The following PCDHGA8 variants were observed in gnomAD, a reference collection of about 807,000 sequenced individuals.
PCDHGA8 encodes the protein protocadherin gamma-A8.
Under a neutral mutation model 59.2 loss-of-function variants are expected in PCDHGA8, and 45 were observed. That is an observed-to-expected ratio of 0.76 (90% confidence interval 0.60 to 0.98). PCDHGA8 has a LOEUF of 0.98. Ranked by LOEUF, PCDHGA8 falls within the 50% of genes least tolerant of loss-of-function variation. The probability of loss-of-function intolerance (pLI) is 0.00; values close to 1 mark genes in which losing one functional copy is unlikely to be tolerated. For missense variants in PCDHGA8, 1,257 were observed against 1,196.2 expected, an observed-to-expected ratio of 1.05 and a Z score of -0.75; for synonymous variants, 531 against 519.0, an observed-to-expected ratio of 1.02 and a Z score of -0.32.
rs778589637 is a variant in PCDHGA8 at position 141,487,133 on chromosome 5, C to T, written c.2425-7674C>T. On this transcript the variant is annotated intron_variant, in intron 1 of 3. Coordinates refer to ENST00000398604, the MANE Select transcript of PCDHGA8 (RefSeq NM_032088.2). The surrounding 1 kb of genome is among the most constrained non-coding windows in gnomAD (Gnocchi z 5.0). ...TGTGGTAAAGGATAGTGGTAGTCCA[C>T]CACTCTCTACCTCTGTTACTCTCTT... 8.7e-6 allele frequency: 14 copies of T among 1,613,932 alleles called. No homozygotes were observed. In the South Asian group the frequency reaches 1.5e-4, roughly 18 times the overall value.
chr5:141,421,050 T>TACCACACAA, intron 1 of PCDHGA8: 1 of 561,278 alleles, frequency 1.8e-6, no homozygotes, highest in Non-Finnish European at 3.1e-6. Flanking sequence ...CCCCCGCCTC[T>TACCACACAA]ACCACACAAA....
At chr5:141,409,122 T>G (rs1276365021) in intron 1 of PCDHGA8, 1 of 1,614,026 alleles carries the variant, frequency 6.2e-7, no homozygotes, top group South Asian at 1.1e-5. Context: ...AACCAGTCAT[T>G]TGATTTTGAA....
At chr5:141,400,776 GT>G (rs1167512157) in intron 1 of PCDHGA8, 17 of 557,594 alleles carry the variant, frequency 3.0e-5, no homozygotes, top group East Asian at 1.8e-4. Flanking sequence ...CATTTGGTGC[GT>G]TTTTTTGTCC....
At chr5:141,447,768 T>C (rs1392134454) in intron 1 of PCDHGA8, among the ~76,000 whole-genome samples, 1 of 152,212 alleles carries the variant, frequency 6.6e-6, no homozygotes, top group East Asian at 1.9e-4. Context: ...ATATAAATTA[T>C]ACTTTAATTG....
intron 3 of PCDHGA8, among the ~76,000 whole-genome samples, 193 bp downstream of exon 3, chr5:141,505,674 G>C (rs1482125302): frequency 6.6e-6 from 1 of 152,192 alleles, no homozygotes; most frequent in East Asian, 1.9e-4. Context: ...GGGGTTGGGG[G>C]TCCTGGGATG....
intron 1 of PCDHGA8, chr5:141,424,522 T>C (rs2096826398): frequency 6.6e-6 from 1 of 152,212 alleles, no homozygotes; most frequent in South Asian, 2.1e-4. Flanking sequence ...ATGTAGTAAA[T>C]CCATATATAG....
chr5:141,418,908 C>G, intron 1 of PCDHGA8: 3 of 1,613,932 alleles, frequency 1.9e-6, no homozygotes, highest in Non-Finnish European at 2.5e-6. Flanking sequence ...ATAATCATCA[C>G]GTCACTCTCT....
chr5:141,415,080 C>T (rs1426953509), intron 1 of PCDHGA8: 1 of 1,613,526 alleles, frequency 6.2e-7, no homozygotes, highest in African/African-American at 1.3e-5. Context: ...CGGCGCGAGC[C>T]CTGCTGGACA....
chr5:141,502,629 G>A (rs1368174848), intron 2 of PCDHGA8, among the ~76,000 whole-genome samples: 1 of 152,096 alleles, frequency 6.6e-6, no homozygotes, highest in Non-Finnish European at 1.5e-5. Context: ...GTAATCTGTG[G>A]ATGATACTTT....
In PCDHGA8 at chr5:141,511,406, G is replaced by C; in HGVS notation, c.*233G>C. The C allele has an allele frequency of 1.1e-6, 1 of 942,018 alleles. No individual in the cohort carries two copies. The highest frequency in any genetic ancestry group is 1.7e-5 in the African/African-American group (1 of 60,280). The allele number at this position is 942,018 out of a possible 1,614,324, so 58.4% of individuals were successfully genotyped here. ...GCTGGGAACCCCCATCCAATCAACT[G>C]CTGTACCCATGGGGGTAGTGGGGTT... On this transcript the variant is annotated 3_prime_UTR_variant, in exon 4 of 4. Coordinates refer to ENST00000398604, the MANE Select transcript of PCDHGA8 (RefSeq NM_032088.2).
chr5:141,473,219 G>A (rs1198994780), intron 1 of PCDHGA8, among the ~76,000 whole-genome samples: 2 of 151,864 alleles, frequency 1.3e-5, no homozygotes, highest in Non-Finnish European at 2.9e-5. Flanking sequence ...TTACTTCCAG[G>A]GAGATTGGAT....
At chr5:141,408,579 T>G in intron 1 of PCDHGA8, 1 of 1,614,026 alleles carries the variant, frequency 6.2e-7, no homozygotes, top group Non-Finnish European at 8.5e-7. Flanking sequence ...ATTGAGGATG[T>G]TAATGACCAC....
At chr5:141,433,256 C>G (rs760130587) in intron 1 of PCDHGA8, 2 of 1,385,666 alleles carry the variant, frequency 1.4e-6, no homozygotes, top group Non-Finnish European at 2.0e-6. Context: ...TGCAGCGGTA[C>G]GATCATAGCT....
rs1255551589 is a variant in PCDHGA8 at position 141,410,375 on chromosome 5, G to A, written c.2424+15138G>A. ...ACGCTCTCTCAGCCCTGCTACTTGG[G>A]ACTGCTTCCATCCTGGTCTCTGTGT... On this transcript the variant is annotated intron_variant, in intron 1 of 3. Coordinates refer to ENST00000398604, the MANE Select transcript of PCDHGA8 (RefSeq NM_032088.2). The A allele has an allele frequency of 6.2e-7, 1 of 1,614,028 alleles. No individual in the cohort carries two copies. Among genetic ancestry groups the A allele is most frequent in the Admixed American group, 1.7e-5 (1 of 60,022 alleles).
chr5:141,415,740 GTTTTTTTTT>G (rs57426385), intron 1 of PCDHGA8: 9,508 of 621,550 alleles, frequency 0.015, 13 homozygotes, highest in Non-Finnish European at 0.016. Context: ...GTTTATTAAG[GTTTTTTTTT>G]TTTTTTTTTT....
chr5:141,433,358 C>CGTAT, intron 1 of PCDHGA8: 1 of 503,368 alleles, frequency 2.0e-6, no homozygotes, highest in Non-Finnish European at 3.5e-6. Context: ...CTACTGTCTG[C>CGTAT]CTATCTATCT....
intron 1 of PCDHGA8, among the ~76,000 whole-genome samples, chr5:141,438,349 C>G (rs892834423): frequency 6.6e-6 from 1 of 151,762 alleles, no homozygotes; most frequent in Non-Finnish European, 1.5e-5. Flanking sequence ...AGGATCTACT[C>G]TGTGTATTGT....
chr5:141,413,477 C>A, intron 1 of PCDHGA8: 1 of 1,614,100 alleles, frequency 6.2e-7, no homozygotes, highest in Non-Finnish European at 8.5e-7. Flanking sequence ...GAGCTCTGCG[C>A]TCAGAGCGCG....
Position 141,393,958 on chromosome 5 carries a change from T to C in PCDHGA8, c.1145T>C (p.Val382Ala). 6.2e-7 allele frequency: 1 copy of C among 1,613,966 alleles called. No individual in the cohort carries two copies. The highest frequency in any genetic ancestry group is 2.2e-5 in the East Asian group (1 of 44,884). Reference protein sequence around the residue: ...HDQDSGKNGQVVCYTRDNLPF... With the variant: ...HDQDSGKNGQAVCYTRDNLPF... ...CAAGACTCTGGAAAGAATGGTCAAG[T>C]TGTCTGTTACACACGTGATAATTTA... The change falls in exon 1 of 4, where the codon GTT becomes GCT. Residue 382 changes from valine to alanine, a missense_variant. Transcript: ENST00000398604.
Sources: gnomAD v4.1 joint callset for allele counts (sites outside exome capture counted in the v4.1 genomes callset) on GRCh38, gnomAD v4.1.1 for gene constraint, Gnocchi (gnomAD v3.1) non-coding constraint, MANE v1.5 for transcripts, NCBI Gene and HGNC (gene_info 2026-07-23, HGNC 2026-07-21) for gene names.